EML4: variants seen among roughly 807,000 people sequenced by gnomAD.
The protein encoded by EML4 is EMAP like 4.
Under a neutral mutation model 129.0 loss-of-function variants are expected in EML4, and 72 were observed. That is an observed-to-expected ratio of 0.56 (90% confidence interval 0.46 to 0.68). The LOEUF (loss-of-function observed/expected upper bound fraction) is 0.68. Ranked by LOEUF, EML4 falls within the 30% of genes least tolerant of loss-of-function variation. The pLI is 0.00. For missense variants in EML4, 1,363 were observed against 1,190.6 expected (o/e 1.14, Z -2.13); for synonymous variants, 532 against 405.0 (o/e 1.31, Z -3.77).
chr2:42,298,473 A>G (rs997289), intron 13 of EML4, among the ~76,000 whole-genome samples: 43,112 of 152,080 alleles, frequency 0.28, 6,541 homozygotes, highest in East Asian at 0.56. Flanking sequence ...AATATCAGAA[A>G]TACAGGCCCA....
chr2:42,299,659 G>C (rs920159091), intron 13 of EML4, among the ~76,000 whole-genome samples: 5 of 151,994 alleles, frequency 3.3e-5, no homozygotes, highest in Admixed American at 2.0e-4. Context: ...TTTATGACTT[G>C]CTTCTTTCAC....
chr2:42,238,766 G>C (rs956145890), intron 1 of EML4, among the ~76,000 whole-genome samples: 3 of 152,028 alleles, frequency 2.0e-5, no homozygotes, highest in African/African-American at 7.3e-5. Context: ...CACCACACCT[G>C]GCTAACTTTT....
In EML4 at chr2:42,227,222, A is replaced by C. The variant is rs1368684184; in HGVS notation, c.26-18283A>C. ...CCTCCCAGATTCAAGAGATCCTTCC[A>C]CCTCAGCCCCCACAGCCTGCCCCAA... On this transcript the variant is annotated intron_variant, in intron 1 of 22. Transcript: ENST00000318522. 7.2e-5 allele frequency among the ~76,000 whole-genome samples: 11 copies of C among 151,976 alleles called. No individual in the cohort carries two copies. The East Asian group carries it at 1.9e-3, about 27-fold the overall frequency.
In EML4 at chr2:42,185,305, A is replaced by G. The variant is rs985028433; in HGVS notation, c.25+15669A>G. The stretch of plus-strand genomic sequence containing the variant: ...AAAATTATATGAAATTCAGATTTCA[A>G]TATCCATAAATAAAATTGTATTGGA... On this transcript the variant is annotated intron_variant, in intron 1 of 22. Transcript: ENST00000318522. Among the ~76,000 whole-genome samples, 65 of 152,340 alleles carry G rather than the reference A, an allele frequency of 4.3e-4. 1 individual carries two copies. Among genetic ancestry groups the G allele is most frequent in the African/African-American group, 1.4e-3 (60 of 41,580 alleles).
Position 42,203,755 on chromosome 2 carries a change from A to G in EML4, c.25+34119A>G, listed in dbSNP as rs545764658. Among the ~76,000 whole-genome samples, 17 of 151,506 alleles carry G rather than the reference A, an allele frequency of 1.1e-4. No individual in the cohort carries two copies. The East Asian group carries it at 1.2e-3, about 10-fold the overall frequency. ...GAGGATTAATTGATAATATACTTCT[A>G]TGCCACATGTATAGGCACAAAAAGG... On this transcript the variant is annotated intron_variant, in intron 1 of 22. Transcript: ENST00000318522.
rs984040767 is a variant in EML4 at position 42,255,218 on chromosome 2, T to G, written c.209-1283T>G. On this transcript the variant is annotated intron_variant, in intron 2 of 22. Transcript: ENST00000318522. ...CTCCTGCCTCAGCCTCCCAAGTAGC[T>G]GGGACTACAGGCGCTCGCCACCACG... Among the ~76,000 whole-genome samples, 63 of 152,114 alleles carry G rather than the reference T, an allele frequency of 4.1e-4. 1 individual carries two copies. The highest frequency in any genetic ancestry group is 1.0e-3 in the Admixed American group (16 of 15,262).
chr2:42,320,215 A>T (rs1450858733), intron 19 of EML4, among the ~76,000 whole-genome samples: 2 of 144,086 alleles, frequency 1.4e-5, no homozygotes. Context: ...AAACAAGCTT[A>T]TTATTACTCA....
chr2:42,321,750 A>G (rs1669533482), intron 19 of EML4, among the ~76,000 whole-genome samples: 1 of 152,166 alleles, frequency 6.6e-6, no homozygotes, highest in Non-Finnish European at 1.5e-5. Context: ...AGCAGGCTAC[A>G]CTCTAGTCAC....
intron 19 of EML4, among the ~76,000 whole-genome samples, chr2:42,321,982 C>A (rs1359157792): frequency 6.6e-6 from 1 of 152,134 alleles, no homozygotes; most frequent in Admixed American, 6.5e-5. Flanking sequence ...TTTCTACAAA[C>A]TTCTCTAAGT....
At chr2:42,237,873 C>T (rs1029105473) in intron 1 of EML4, among the ~76,000 whole-genome samples, 3 of 152,118 alleles carry the variant, frequency 2.0e-5, no homozygotes, top group African/African-American at 7.2e-5. Flanking sequence ...GAGAGGTTGG[C>T]TTGCATTTTC....
At position 42,243,980 on chromosome 2, in the gene EML4, C is replaced by G. The variant is rs111425553; in HGVS notation, c.26-1525C>G. 4.3e-3 allele frequency among the ~76,000 whole-genome samples: 639 copies of G among 147,716 alleles called. 3 individuals are homozygous for G. The highest frequency in any genetic ancestry group is 0.016 in the South Asian group (72 of 4,612). ...CTTACATTAGAATCTAAAACTTGCC[C>G]TCAGTGTAAGCCAACGGTGTTTTTA... On this transcript the variant is annotated intron_variant, in intron 1 of 22. Transcript: ENST00000318522.
chr2:42,220,261 A>G (rs1673499422), intron 1 of EML4, among the ~76,000 whole-genome samples: 1 of 148,474 alleles, frequency 6.7e-6, no homozygotes, highest in African/African-American at 2.5e-5. Context: ...TTTTTTTACA[A>G]ATTGAAGGTT....
chr2:42,261,917 T>C (rs563363026), intron 4 of EML4, among the ~76,000 whole-genome samples: 3 of 152,156 alleles, frequency 2.0e-5, no homozygotes, highest in Non-Finnish European at 4.4e-5. Flanking sequence ...ATTCTAACAA[T>C]GTGTGTGAGC....
At chr2:42,220,136 C>T (rs916127810) in intron 1 of EML4, among the ~76,000 whole-genome samples, 3 of 151,696 alleles carry the variant, frequency 2.0e-5, no homozygotes, top group East Asian at 3.9e-4. Context: ...ATCTATAATA[C>T]GTGTATAACA....
chr2:42,305,664 G>T (rs1233776712), intron 17 of EML4, among the ~76,000 whole-genome samples: 1 of 152,040 alleles, frequency 6.6e-6, no homozygotes, highest in Non-Finnish European at 1.5e-5. Context: ...CAACTTTATT[G>T]CCTCTGCTAG....
rs546059373 is a variant in EML4, at chr2:42,169,537, C to A, written c.-75C>A. On this transcript the variant is annotated 5_prime_UTR_variant, in exon 1 of 23. Transcript: ENST00000318522. Reference sequence around the variant, plus strand: ...TAGAGAACGAGCGGGTCAGGCTCAGCGTCGGCCACTCTGTCGGTCCGCTGA... The same window carrying A: ...TAGAGAACGAGCGGGTCAGGCTCAGAGTCGGCCACTCTGTCGGTCCGCTGA... The A allele has an allele frequency of 1.3e-6, 2 of 1,532,856 alleles. No individual in the cohort carries two copies. The highest frequency in any genetic ancestry group is 1.8e-6 in the Non-Finnish European group (2 of 1,138,588). The allele number at this position is 1,532,856 out of a possible 1,614,324, so 95.0% of individuals were successfully genotyped here.
intron 1 of EML4, among the ~76,000 whole-genome samples, chr2:42,187,736 T>A (rs2579967): frequency 0.25 from 38,137 of 152,062 alleles, 5,144 homozygotes; most frequent in East Asian, 0.56. Context: ...TACAAGTCCT[T>A]TATAAAAAAT....
intron 1 of EML4, among the ~76,000 whole-genome samples, chr2:42,178,674 G>A (rs1670759559): frequency 6.6e-6 from 1 of 152,172 alleles, no homozygotes; most frequent in Non-Finnish European, 1.5e-5. Context: ...CCATATTGCT[G>A]TATTTTATTT....
chr2:42,186,998 C>G (rs1455404016), intron 1 of EML4, among the ~76,000 whole-genome samples: 3 of 127,936 alleles, frequency 2.3e-5, no homozygotes, highest in Non-Finnish European at 4.7e-5. Flanking sequence ...AACTGCTGAT[C>G]TGCTTTTTTC....
Sources: allele counts gnomAD v4.1 joint callset (sites outside exome capture counted in the v4.1 genomes callset), GRCh38; gene constraint gnomAD v4.1.1; transcripts MANE v1.5; gene names NCBI Gene and HGNC (gene_info 2026-07-23, HGNC 2026-07-21).